The following CCDC150 variants were observed in gnomAD, a reference collection of about 807,000 sequenced individuals.
CCDC150 encodes coiled-coil domain containing 150, also known as coiled-coil domain-containing protein 150.
A neutral mutation model predicts 156.5 loss-of-function variants in CCDC150; 151 were observed. That is an observed-to-expected ratio of 0.97 (90% CI 0.85 to 1.10). CCDC150 has a LOEUF of 1.10. CCDC150 is among the 50% of genes least tolerant of loss of function. The probability of loss-of-function intolerance (pLI) is 0.00; values close to 1 mark genes in which losing one functional copy is unlikely to be tolerated. For missense variants in CCDC150, 1,312 were observed against 1,268.1 expected (o/e 1.03, Z -0.53); for synonymous variants, 452 against 429.4 (o/e 1.05, Z -0.65).
At position 196,712,202 on chromosome 2, in the gene CCDC150, A is replaced by C. The variant is rs995823805; in HGVS notation, c.1753A>C (p.Asn585His). 8 of 1,587,742 alleles carry C rather than the reference A, an allele frequency of 5.0e-6. No individual in the cohort carries two copies. The highest frequency in any genetic ancestry group is 3.5e-5 in the Admixed American group (2 of 57,830). Reference protein sequence around the residue: ...VQSFTDTSLQNDHLRKMNKYL... With the variant: ...VQSFTDTSLQHDHLRKMNKYL... ...GTCTTTTACTGACACCAGCTTACAG[A>C]ATGATCATCTACGCAAGATGAATAA... Residue 585 changes from asparagine to histidine, a missense_variant, in exon 16 of 28, where the codon AAT (asparagine) becomes CAT (histidine). Coordinates refer to ENST00000389175, the MANE Select transcript of CCDC150 (RefSeq NM_001080539.2).
rs376832395 is a variant in CCDC150, at chr2:196,730,939, A to G, written c.3063A>G (p.Ser1021=). Residue 1021 remains serine (S), a synonymous_variant, in exon 26 of 28, where the codon TCA becomes TCG. Transcript: ENST00000389175. ...ENTLKEASVE[S]EQITANLEEA... ...CGCTGAAAGAAGCCAGTGTGGAATC[A>G]GAACAGGTGAGCCAGACCCACGGAC... is the stretch of plus-strand genomic sequence containing the variant. 1 of 1,593,776 alleles carries G rather than the reference A, an allele frequency of 6.3e-7. No individual in the cohort carries two copies. The highest frequency in any genetic ancestry group is 1.1e-5 in the South Asian group (1 of 87,160).
intron 20 of CCDC150, among the ~76,000 whole-genome samples, 153 bp from the exon 21 acceptor site, chr2:196,721,369 T>TATATATATATATATATATA (rs1559276170): frequency 7.1e-6 from 1 of 141,710 alleles, no homozygotes; most frequent in East Asian, 2.2e-4. Context: ...TATATATATA[T>TATATATATATATATATATA]TTTCCAGGCA....
chr2:196,714,202 G>A (rs138354759), intron 17 of CCDC150, among the ~76,000 whole-genome samples: 49 of 152,248 alleles, frequency 3.2e-4, no homozygotes, highest in South Asian at 1.2e-3. Flanking sequence ...AAAAAATCGC[G>A]CAAAGTAATG....
At position 196,665,492 on chromosome 2, in the gene CCDC150, C is replaced by A. The variant is rs1693786527; in HGVS notation, c.646-75C>A. 19 of 781,406 alleles carry A rather than the reference C, an allele frequency of 2.4e-5. No individual in the cohort carries two copies. In the South Asian group the frequency reaches 2.8e-4, roughly 12 times the overall value. The allele number at this position is 781,406 out of a possible 1,614,324, so 48.4% of individuals were successfully genotyped here. On this transcript the variant is annotated intron_variant, in intron 5 of 27. Transcript: ENST00000389175. The stretch of plus-strand genomic sequence containing the variant: ...GGGGTGAGATGGCATGTCTGATAAA[C>A]TTCTCAGGTAACTTTGATCTTTGTT...
At chr2:196,684,226 A>G (rs1695002560) in intron 13 of CCDC150, among the ~76,000 whole-genome samples, 1 of 152,120 alleles carries the variant, frequency 6.6e-6, no homozygotes, top group Admixed American at 6.5e-5. Flanking sequence ...TTAGCTGCAT[A>G]TGAGATGTTT....
In CCDC150 at chr2:196,677,380, A is replaced by G. The variant is rs180817909; in HGVS notation, c.1509+19A>G. The G allele has an allele frequency of 3.9e-5, 57 of 1,448,694 alleles. No individual in the cohort carries two copies. The highest frequency in any genetic ancestry group is 5.2e-5 in the Non-Finnish European group (55 of 1,052,110). 89.7% of individuals were successfully genotyped at this position (1,448,694 alleles called of 1,614,324 possible). On this transcript the variant is annotated intron_variant, in intron 13 of 27. Transcript: ENST00000389175. ...AAACAAGGTATTCTTCATTTTACTT[A>G]CTGATATTTCACTATATTTCCTTCT...
intron 13 of CCDC150, chr2:196,686,474 C>T (rs990885118): frequency 6.6e-6 from 1 of 152,322 alleles, no homozygotes; most frequent in African/African-American, 2.4e-5. Flanking sequence ...GTGGGGATTT[C>T]AACTGAAATT....
intron 15 of CCDC150, among the ~76,000 whole-genome samples, chr2:196,704,517 C>T (rs1696459757): frequency 6.6e-6 from 1 of 151,904 alleles, no homozygotes; most frequent in African/African-American, 2.4e-5. Flanking sequence ...GTTATATTTC[C>T]CCTTACTAAA....
chr2:196,656,702 T>C lies in CCDC150; in HGVS notation c.246T>C (p.Asn82=), dbSNP rs763837364. 5 of 1,613,772 alleles carry C rather than the reference T, an allele frequency of 3.1e-6. No homozygotes were observed. Among genetic ancestry groups the C allele is most frequent in the African/African-American group, 1.3e-5 (1 of 75,042 alleles). Residue 82 remains asparagine, a synonymous_variant, in exon 3 of 28, where the codon AAT becomes AAC. Coordinates refer to ENST00000389175, the MANE Select transcript of CCDC150 (RefSeq NM_001080539.2). ...DSQKVISPIQ[N]EAICAGKTDI... The stretch of plus-strand genomic sequence containing the variant: ...AGAAAGTCATTAGTCCTATCCAAAA[T>C]GAAGCAATTTGTGCAGGAAAAACAG...
At chr2:196,694,392 G>T (rs1049057156) in intron 13 of CCDC150, among the ~76,000 whole-genome samples, 1 of 152,026 alleles carries the variant, frequency 6.6e-6, no homozygotes, top group African/African-American at 2.4e-5. Flanking sequence ...AGCTTGAATT[G>T]ATTTTAAGTA....
intron 13 of CCDC150, among the ~76,000 whole-genome samples, chr2:196,685,166 C>T (rs1421344463): frequency 6.6e-6 from 1 of 151,936 alleles, no homozygotes; most frequent in Admixed American, 6.6e-5. Flanking sequence ...ATTTCTAGTT[C>T]ACCATTTTAA....
At chr2:196,666,400 C>G (rs1159652636) in intron 6 of CCDC150, among the ~76,000 whole-genome samples, 1 of 152,158 alleles carries the variant, frequency 6.6e-6, no homozygotes, top group Non-Finnish European at 1.5e-5. Flanking sequence ...ACTTGCAATG[C>G]CAATATGGTA....
Position 196,732,075 on chromosome 2 carries a change from A to G in CCDC150, c.3112A>G (p.Arg1038Gly), listed in dbSNP as rs750532144. 2 of 1,613,728 alleles carry G rather than the reference A, an allele frequency of 1.2e-6. No homozygotes were observed. Among genetic ancestry groups the G allele is most frequent in the Non-Finnish European group, 1.7e-6 (2 of 1,179,768 alleles). Residue 1038 changes from arginine (R) to glycine (G), a missense_variant, in exon 27 of 28, where the codon AGG becomes GGG. Transcript: ENST00000389175. ...AGAAGCTCATCGCTGGTTTAAGCAC[A>G]GGTTTGATGGTCTACAACTTGAGCT... ...LEEAHRWFKH[R>G]FDGLQLELTK...
In CCDC150 at chr2:196,690,212, C is replaced by G. The variant is rs573006684; in HGVS notation, c.1510-4834C>G. The stretch of plus-strand genomic sequence containing the variant: ...GACACAGGAAGGGGAACATCACACT[C>G]TGGGGACTGTTGTGGGGAGGCGGGA... On this transcript the variant is annotated intron_variant, in intron 13 of 27. Coordinates refer to ENST00000389175, the MANE Select transcript of CCDC150 (RefSeq NM_001080539.2). 1.1e-4 allele frequency among the ~76,000 whole-genome samples: 16 copies of G among 141,780 alleles called. 1 individual carries two copies. In the South Asian group the frequency reaches 1.5e-3, roughly 14 times the overall value. 93.0% of individuals were successfully genotyped at this position (141,780 alleles called of 152,430 possible).
chr2:196,653,050 C>T (rs1191267187), intron 2 of CCDC150, among the ~76,000 whole-genome samples: 1 of 152,232 alleles, frequency 6.6e-6, no homozygotes, highest in East Asian at 1.9e-4. Flanking sequence ...ATTCTTTCAT[C>T]CTAGGCCTCT....
intron 1 of CCDC150, among the ~76,000 whole-genome samples, chr2:196,641,343 C>G (rs1692221716): frequency 6.6e-6 from 1 of 152,080 alleles, no homozygotes; most frequent in Non-Finnish European, 1.5e-5. Flanking sequence ...TCCTTCCTCT[C>G]CAGCCAAACC....
intron 17 of CCDC150, 159 bp from the exon 18 acceptor site, chr2:196,718,344 G>T: frequency 2.2e-6 from 1 of 464,472 alleles, no homozygotes; most frequent in Non-Finnish European, 3.7e-6. Flanking sequence ...TATTTTTGTT[G>T]TAGTTTCCTT....
At position 196,732,446 on chromosome 2, in the gene CCDC150, G is replaced by C; in HGVS notation, c.3190G>C (p.Asp1064His). 6.2e-7 allele frequency: 1 copy of C among 1,609,586 alleles called. No individual in the cohort carries two copies. Among genetic ancestry groups the C allele is most frequent in the Non-Finnish European group, 8.5e-7 (1 of 1,176,410 alleles). The change falls in exon 28 of 28, where the codon GAC becomes CAC. Residue 1064 changes from aspartate (D) to histidine (H), a missense_variant and splice_region_variant. Asp to His is a moderately conservative substitution (Grantham distance 81). Coordinates refer to ENST00000389175, the MANE Select transcript of CCDC150 (RefSeq NM_001080539.2). The part of the protein sequence containing the change: ...PSGEDRWQEK[D>H]QDVKHDVMSN... ...GTTAGGTGTGTTTTCTTTCCAACAG[G>C]ACCAAGATGTAAAACATGATGTCAT...
intron 5 of CCDC150, among the ~76,000 whole-genome samples, chr2:196,661,844 GTC>G (rs1331638174): frequency 6.6e-6 from 1 of 152,152 alleles, no homozygotes; most frequent in East Asian, 1.9e-4. Context: ...AGAGGAAAAT[GTC>G]TCTTTTTAAA....
Sources: allele counts gnomAD v4.1 joint callset (sites outside exome capture counted in the v4.1 genomes callset), GRCh38; gene constraint gnomAD v4.1.1; transcripts MANE v1.5; gene names NCBI Gene and HGNC (gene_info 2026-07-23, HGNC 2026-07-21).